The following NACC2 variants were observed in gnomAD, a reference collection of about 807,000 sequenced individuals.
The protein encoded by NACC2 is NACC family member 2.
In NACC2, 8 loss-of-function variants were observed where a neutral mutation model predicts 25.1. The observed-to-expected ratio is 0.32, with a 90% CI of 0.19 to 0.57. The LOEUF (loss-of-function observed/expected upper bound fraction) is 0.57, where lower values mean the gene tolerates loss of function less well. Among genes scored for constraint, NACC2 ranks in the 20% least tolerant of loss-of-function variants. The pLI is 0.89. For missense variants in NACC2, 644 were observed against 650.2 expected (o/e 0.99, Z 0.10); for synonymous variants, 435 against 294.7 (o/e 1.48, Z -4.88).
rs546617794 is a variant in NACC2 at position 136,007,667 on chromosome 9, G to A, written c.*3849C>T. On this transcript the variant is annotated 3_prime_UTR_variant, in exon 6 of 6. Transcript: ENST00000277554. The stretch of plus-strand genomic sequence containing the variant: ...AGTAGTTACAGCTGAGGACAGCTAC[G>A]AGCTCTGGATTCTGCGCTTAGGACT... The A allele has an allele frequency of 2.6e-5, 4 of 152,386 alleles. No individual in the cohort carries two copies. Among genetic ancestry groups the A allele is most frequent in the African/African-American group, 7.2e-5 (3 of 41,580 alleles). The allele number at this position is 152,386 out of a possible 1,614,324, so 9.4% of individuals were successfully genotyped here. A position where few individuals can be genotyped will look rare whatever the true frequency, so the allele number is the denominator to read the frequency against.
At chr9:136,082,147 C>T (rs981006959) in intron 1 of NACC2, among the ~76,000 whole-genome samples, 2 of 152,234 alleles carry the variant, frequency 1.3e-5, no homozygotes, top group Non-Finnish European at 1.5e-5. Flanking sequence ...AGCAGGTGAC[C>T]GCCCAGGACT....
intron 1 of NACC2, among the ~76,000 whole-genome samples, chr9:136,091,235 A>C (rs1830431386): frequency 6.6e-6 from 1 of 151,756 alleles, no homozygotes; most frequent in African/African-American, 2.4e-5. Context: ...AGCCGGCATG[A>C]AGGCAGAAAG....
At chr9:136,044,626 C>T (rs1333955755) in intron 2 of NACC2, among the ~76,000 whole-genome samples, 1 of 152,226 alleles carries the variant, frequency 6.6e-6, no homozygotes, top group Non-Finnish European at 1.5e-5. Flanking sequence ...GGCCACAAGG[C>T]AGCAGAGTGG....
At chr9:136,030,251 A>AC (rs1840454451) in intron 2 of NACC2, among the ~76,000 whole-genome samples, 1 of 152,102 alleles carries the variant, frequency 6.6e-6, no homozygotes, top group Non-Finnish European at 1.5e-5. Context: ...AAAACAGGAC[A>AC]CGGGACAGAT....
At chr9:136,053,456 G>A (rs1230399782) in intron 1 of NACC2, among the ~76,000 whole-genome samples, 1 of 152,128 alleles carries the variant, frequency 6.6e-6, no homozygotes, top group African/African-American at 2.4e-5. Context: ...CTGATGAGCT[G>A]GGCTCCACCG....
chr9:136,054,491 A>T (rs896523160), intron 1 of NACC2, among the ~76,000 whole-genome samples: 25 of 152,152 alleles, frequency 1.6e-4, no homozygotes, highest in Admixed American at 1.5e-3. Flanking sequence ...GAAAAGAATA[A>T]AATAAAGGCT....
chr9:136,032,910 C>CG (rs1289792789), intron 2 of NACC2, among the ~76,000 whole-genome samples: 2 of 151,868 alleles, frequency 1.3e-5, no homozygotes, highest in Non-Finnish European at 2.9e-5. Context: ...CCCAGCTACT[C>CG]GGGAGGCTGA....
Position 136,086,497 on chromosome 9 carries a change from C to A in NACC2, c.-60+8692G>T, listed in dbSNP as rs1028329415. On this transcript the variant is annotated intron_variant, in intron 1 of 5. Coordinates refer to ENST00000277554, the MANE Select transcript of NACC2 (RefSeq NM_144653.5). The surrounding 1 kb of genome is among the most constrained non-coding windows in gnomAD (Gnocchi z 5.6). ...GGCTTGGTGTGGGCCCCAGGGACGT[C>A]GCATGCCCCCAGCTTCCCGACAGCC... 6.6e-6 allele frequency among the ~76,000 whole-genome samples: 1 copy of A among 152,096 alleles called. No individual in the cohort carries two copies. Among genetic ancestry groups the A allele is most frequent in the Non-Finnish European group, 1.5e-5 (1 of 67,996 alleles).
intron 1 of NACC2, among the ~76,000 whole-genome samples, chr9:136,089,121 G>A (rs1053208545): frequency 3.3e-5 from 5 of 152,168 alleles, no homozygotes; most frequent in South Asian, 4.1e-4. Flanking sequence ...TCAGTTACGC[G>A]GTTACGTTTG....
intron 1 of NACC2, among the ~76,000 whole-genome samples, chr9:136,088,139 G>A (rs2131191123): frequency 6.6e-6 from 1 of 152,358 alleles, no homozygotes; most frequent in South Asian, 2.1e-4. Context: ...GTGGTTCAGA[G>A]AGAGCATCAG....
rs1840790741 is a variant in NACC2, at chr9:136,049,888, C to T, written c.634G>A (p.Gly212Ser). ...AVAAGAAVAA[G>S]TAPLKLPRVS... ...CGGGGCAGTTTGAGAGGGGCTGTGC[C>T]CGCCGCCACCGCAGCCCCCGCGGCC... Residue 212 changes from glycine to serine, a missense_variant, in exon 2 of 6, where the codon GGC becomes AGC. Coordinates refer to ENST00000277554, the MANE Select transcript of NACC2 (RefSeq NM_144653.5). 1 of 594,464 alleles carries T rather than the reference C, an allele frequency of 1.7e-6. No homozygotes were observed. Among genetic ancestry groups the T allele is most frequent in the Admixed American group, 3.1e-5 (1 of 32,768 alleles). The allele number at this position is 594,464 out of a possible 1,614,324, so 36.8% of individuals were successfully genotyped here.
intron 1 of NACC2, among the ~76,000 whole-genome samples, chr9:136,056,437 G>T (rs1177932011): frequency 6.6e-6 from 1 of 152,232 alleles, no homozygotes; most frequent in Non-Finnish European, 1.5e-5. Flanking sequence ...AGACCTCACA[G>T]TCGGGAGGCA....
At chr9:136,017,950 G>A (rs1029612240) in intron 2 of NACC2, among the ~76,000 whole-genome samples, 74 of 152,320 alleles carry the variant, frequency 4.9e-4, no homozygotes, top group African/African-American at 1.6e-3. Flanking sequence ...CCCGGGGCTG[G>A]ACCTTGCTTG....
At chr9:136,087,537 G>A (rs1434509137) in intron 1 of NACC2, among the ~76,000 whole-genome samples, 1 of 152,214 alleles carries the variant, frequency 6.6e-6, no homozygotes, top group Non-Finnish European at 1.5e-5. Flanking sequence ...GGGCCCGGCT[G>A]GGGAAGGGCC....
At position 136,013,184 on chromosome 9, in the gene NACC2, C is replaced by T. The variant is rs1194869290; in HGVS notation, c.1255+15G>A. On this transcript the variant is annotated intron_variant, in intron 5 of 5. Transcript: ENST00000277554. The surrounding 1 kb of genome is among the most constrained non-coding windows in gnomAD (Gnocchi z 6.6). ...GCCCCGGCCCCACCCACCCGAGAGA[C>T]CCCCAGGCTCTTACATTTCACAGCG... 7 of 890,734 alleles carry T rather than the reference C, an allele frequency of 7.9e-6. No homozygotes were observed. The highest frequency in any genetic ancestry group is 1.7e-5 in the African/African-American group (1 of 58,838). 55.2% of individuals were successfully genotyped at this position (890,734 alleles called of 1,614,324 possible).
chr9:136,021,344 GGGAAAC>G (rs1840289278), intron 2 of NACC2, among the ~76,000 whole-genome samples: 1 of 94,496 alleles, frequency 1.1e-5, no homozygotes, highest in East Asian at 2.4e-4. Context: ...CTCCCAGTGC[GGGAAAC>G]GTAAAAACAC....
chr9:136,067,600 A>G (rs773359608), intron 1 of NACC2, among the ~76,000 whole-genome samples: 28 of 146,398 alleles, frequency 1.9e-4, no homozygotes, highest in South Asian at 1.4e-3. Flanking sequence ...CAATTTGGGA[A>G]GCCAAGGCGG....
chr9:136,023,607 C>T (rs887260205), intron 2 of NACC2, among the ~76,000 whole-genome samples: 2 of 152,206 alleles, frequency 1.3e-5, no homozygotes, highest in African/African-American at 4.8e-5. Flanking sequence ...TCCAGGCCTC[C>T]GACAGGGATC....
In NACC2 at chr9:136,055,565, T is replaced by A. The variant is rs1277078321; in HGVS notation, c.-59-4985A>T. Among the ~76,000 whole-genome samples the A allele has an allele frequency of 6.6e-6, 1 of 152,184 alleles. No homozygotes were observed. Among genetic ancestry groups the A allele is most frequent in the Non-Finnish European group, 1.5e-5 (1 of 68,034 alleles). ...CACCCCTAGATTGTAAAGCACTTTCTAAGCCCAGCACAGCAAACCAGAGGA... is the reference window on the plus strand; with the variant it reads ...CACCCCTAGATTGTAAAGCACTTTCAAAGCCCAGCACAGCAAACCAGAGGA... On this transcript the variant is annotated intron_variant, in intron 1 of 5. Coordinates refer to ENST00000277554, the MANE Select transcript of NACC2 (RefSeq NM_144653.5). This position sits in a 1 kb window ranked among gnomAD's most constrained non-coding sequence, Gnocchi z 4.9.
Sources: gnomAD v4.1 joint callset for allele counts (sites outside exome capture counted in the v4.1 genomes callset) on GRCh38, gnomAD v4.1.1 for gene constraint, Gnocchi (gnomAD v3.1) non-coding constraint, MANE v1.5 for transcripts, NCBI Gene and HGNC (gene_info 2026-07-23, HGNC 2026-07-21) for gene names.